EML4: variants seen among roughly 807,000 people sequenced by gnomAD.
EML4 encodes the protein EMAP like 4, also known as echinoderm microtubule-associated protein-like 4.
Under a neutral mutation model 129.0 loss-of-function variants are expected in EML4, and 72 were observed. The ratio of observed to expected loss-of-function variants is 0.56; its 90% confidence interval spans 0.46 to 0.68. The LOEUF (loss-of-function observed/expected upper bound fraction) is 0.68. Ranked by LOEUF, EML4 falls within the 30% of genes least tolerant of loss-of-function variation. EML4 has a pLI of 0.00. For synonymous variants in EML4, 532 were observed against 405.0 expected (o/e 1.31, Z -3.77); for missense variants, 1,363 against 1,190.6 (o/e 1.14, Z -2.13).
chr2:42,187,871 T>C (rs980261441), intron 1 of EML4, among the ~76,000 whole-genome samples: 1 of 152,196 alleles, frequency 6.6e-6, no homozygotes, highest in Admixed American at 6.5e-5. Context: ...GTTCAACTTA[T>C]TTTTTTCTTT....
intron 1 of EML4, among the ~76,000 whole-genome samples, chr2:42,232,608 T>C (rs960232140): frequency 6.6e-6 from 1 of 152,248 alleles, no homozygotes; most frequent in African/African-American, 2.4e-5. Flanking sequence ...GTAACTCCTA[T>C]ACTTTGATGA....
intron 1 of EML4, among the ~76,000 whole-genome samples, chr2:42,245,094 C>CTTTCTTTTTTTTTTTTTTTTTTTTTT (rs1336279430): frequency 4.5e-5 from 3 of 66,562 alleles, no homozygotes; most frequent in African/African-American, 1.9e-4. Flanking sequence ...AATTTTCTTT[C>CTTTCTTTTTTTTTTTTTTTTTTTTTT]TTTTTTTTTT....
chr2:42,256,679 A>T (rs778046038), intron 3 of EML4, 49 bp downstream of exon 3: 10 of 1,604,582 alleles, frequency 6.2e-6, no homozygotes, highest in Non-Finnish European at 8.5e-6. Flanking sequence ...AATTGTCTGA[A>T]TGTGGTAGAG....
At chr2:42,214,837 C>T (rs1485421620) in intron 1 of EML4, among the ~76,000 whole-genome samples, 2 of 152,082 alleles carry the variant, frequency 1.3e-5, no homozygotes, top group South Asian at 2.1e-4. Flanking sequence ...GCTCAGTTCT[C>T]CTGGAGAAAG....
At position 42,321,251 on chromosome 2, in the gene EML4, C is replaced by T. The variant is rs984637606; in HGVS notation, c.2154+3727C>T. ...ACAAAAAATTAGCCGGGCGTGGTGG[C>T]GGGTGCCTGTAGTCCCAGCTACTTG... On this transcript the variant is annotated intron_variant, in intron 19 of 22. Transcript: ENST00000318522. 2.0e-4 allele frequency among the ~76,000 whole-genome samples: 30 copies of T among 151,988 alleles called. No individual in the cohort carries two copies. In the East Asian group the frequency reaches 5.3e-3, roughly 27 times the overall value.
At chr2:42,178,314 A>G (rs1558476351) in intron 1 of EML4, among the ~76,000 whole-genome samples, 1 of 151,938 alleles carries the variant, frequency 6.6e-6, no homozygotes, top group Non-Finnish European at 1.5e-5. Context: ...AGGCCAGGGT[A>G]GGAATATCAC....
intron 1 of EML4, among the ~76,000 whole-genome samples, chr2:42,235,067 G>A (rs1674578295): frequency 6.6e-6 from 1 of 152,132 alleles, no homozygotes; most frequent in South Asian, 2.1e-4. Context: ...AGGCTGAGGT[G>A]GGTGTATCAC....
At chr2:42,194,600 T>C (rs1671792987) in intron 1 of EML4, among the ~76,000 whole-genome samples, 1 of 151,878 alleles carries the variant, frequency 6.6e-6, no homozygotes, top group Non-Finnish European at 1.5e-5. Flanking sequence ...AACCTCCACC[T>C]CTTGGGCTCA....
At chr2:42,177,955 G>A (rs1474638562) in intron 1 of EML4, among the ~76,000 whole-genome samples, 1 of 152,186 alleles carries the variant, frequency 6.6e-6, no homozygotes, top group East Asian at 1.9e-4. Flanking sequence ...GTCACAATCA[G>A]ATGAAAGATA....
chr2:42,285,875 C>T lies in EML4; in HGVS notation c.1012-394C>T, dbSNP rs746600542. ...CGGCCTCCCAAAGTGCTAGGATTAC[C>T]GGTGTGGGCCCCCGTGCCTGGCCGA... is the stretch of plus-strand genomic sequence containing the variant. On this transcript the variant is annotated intron_variant, in intron 9 of 22. Coordinates refer to ENST00000318522, the MANE Select transcript of EML4 (RefSeq NM_019063.5). 1.3e-3 allele frequency: 276 copies of T among 212,704 alleles called. 1 individual carries two copies. The highest frequency in any genetic ancestry group is 2.0e-3 in the Non-Finnish European group (204 of 103,424). 13.2% of individuals were successfully genotyped at this position (212,704 alleles called of 1,614,324 possible). A position where few individuals can be genotyped will look rare whatever the true frequency, so the allele number is the denominator to read the frequency against.
chr2:42,235,795 C>G (rs1345562683), intron 1 of EML4, among the ~76,000 whole-genome samples: 1 of 151,958 alleles, frequency 6.6e-6, no homozygotes, highest in Non-Finnish European at 1.5e-5. Context: ...TAAAGACCAT[C>G]TAGTATAGTT....
At chr2:42,217,624 T>C (rs1673280244) in intron 1 of EML4, among the ~76,000 whole-genome samples, 1 of 152,202 alleles carries the variant, frequency 6.6e-6, no homozygotes, top group Admixed American at 6.5e-5. Flanking sequence ...AAAAGATGCT[T>C]TCTGAGGATT....
At chr2:42,200,153 CAAAAAA>C (rs11421705) in intron 1 of EML4, among the ~76,000 whole-genome samples, 917 of 84,448 alleles carry the variant, frequency 0.011, 7 homozygotes, top group African/African-American at 0.036. Context: ...ACTAAAAATA[CAAAAAA>C]AAAAAAAAAA....
At chr2:42,222,487 G>T (rs1184282841) in intron 1 of EML4, among the ~76,000 whole-genome samples, 1 of 152,176 alleles carries the variant, frequency 6.6e-6, no homozygotes, top group East Asian at 1.9e-4. Flanking sequence ...CATTTGTATA[G>T]TTAATATCTG....
intron 1 of EML4, among the ~76,000 whole-genome samples, chr2:42,207,484 G>A (rs1385787745): frequency 1.3e-5 from 2 of 152,136 alleles, no homozygotes; most frequent in African/African-American, 4.8e-5. Flanking sequence ...TGGATGAGTT[G>A]TCAGTTTCTT....
rs138347355 is a variant in EML4 at position 42,232,407 on chromosome 2, A to G, written c.26-13098A>G. Reference sequence around the variant, plus strand: ...TAATTTGGGTCCATTTATTGTAAAGAAGAGTATAGTTGACACCTGAATTAT... The same window carrying G: ...TAATTTGGGTCCATTTATTGTAAAGGAGAGTATAGTTGACACCTGAATTAT... On this transcript the variant is annotated intron_variant, in intron 1 of 22. Transcript: ENST00000318522. Among the ~76,000 whole-genome samples the G allele has an allele frequency of 1.0e-3, 155 of 152,356 alleles. 1 individual carries two copies. Among genetic ancestry groups the G allele is most frequent in the African/African-American group, 3.3e-3 (139 of 41,576 alleles).
intron 1 of EML4, chr2:42,169,932 A>T (rs1206529316): frequency 2.8e-6 from 1 of 355,570 alleles, no homozygotes; most frequent in Admixed American, 4.8e-5. Context: ...GATAGCTGGC[A>T]CACCCCTCCC....
chr2:42,201,710 G>A (rs11693605), intron 1 of EML4, among the ~76,000 whole-genome samples: 93,762 of 152,052 alleles, frequency 0.62, 29,521 homozygotes, highest in East Asian at 0.75. Context: ...CTGCTAAGTG[G>A]AATAAGCCAG....
intron 1 of EML4, among the ~76,000 whole-genome samples, chr2:42,180,025 G>C (rs1286319440): frequency 6.6e-6 from 1 of 152,226 alleles, no homozygotes; most frequent in African/African-American, 2.4e-5. Flanking sequence ...TTAATTTGGT[G>C]AAAGCTATGT....
Sources: gnomAD v4.1 joint callset for allele counts (sites outside exome capture counted in the v4.1 genomes callset) on GRCh38, gnomAD v4.1.1 for gene constraint, MANE v1.5 for transcripts, NCBI Gene and HGNC (gene_info 2026-07-23, HGNC 2026-07-21) for gene names.